The following NKAIN3 variants were observed in gnomAD, a reference collection of about 807,000 sequenced individuals.
The protein encoded by NKAIN3 is sodium/potassium transporting ATPase interacting 3, also known as sodium/potassium-transporting ATPase subunit beta-1-interacting protein 3.
Under a neutral mutation model 30.2 loss-of-function variants are expected in NKAIN3, and 25 were observed. That is an observed-to-expected ratio of 0.83 (90% confidence interval 0.60 to 1.16). The LOEUF is 1.16. Among genes scored for constraint, NKAIN3 ranks in the 50% most tolerant of loss-of-function variants. The pLI, the probability that NKAIN3 is intolerant of heterozygous loss-of-function variation, is 0.00. For missense variants in NKAIN3, 225 were observed against 254.1 expected (o/e 0.89, Z 0.78); for synonymous variants, 91 against 89.6 (o/e 1.02, Z -0.09).
chr8:62,857,436 A>C (rs1820096834), intron 4 of NKAIN3, among the ~76,000 whole-genome samples: 1 of 152,148 alleles, frequency 6.6e-6, no homozygotes, highest in South Asian at 2.1e-4. Context: ...ATCCTGAAGT[A>C]TGTTTTCCAA....
At chr8:62,571,660 G>C (rs761629617) in intron 1 of NKAIN3, among the ~76,000 whole-genome samples, 1 of 152,116 alleles carries the variant, frequency 6.6e-6, no homozygotes, top group Non-Finnish European at 1.5e-5. Context: ...GGGCATCCAG[G>C]CATTTCCATA....
At chr8:62,810,676 C>G (rs999152800) in intron 4 of NKAIN3, among the ~76,000 whole-genome samples, 1 of 105,114 alleles carries the variant, frequency 9.5e-6, no homozygotes, top group Non-Finnish European at 1.9e-5. Flanking sequence ...TTCCCTTTTC[C>G]TGACTTCTGT....
chr8:62,504,666 T>G (rs1171458368), intron 1 of NKAIN3, among the ~76,000 whole-genome samples: 1 of 152,146 alleles, frequency 6.6e-6, no homozygotes, highest in Non-Finnish European at 1.5e-5. Context: ...TTATCAGAGT[T>G]TTTCTGTTTT....
At chr8:62,596,190 C>A (rs1165889613) in intron 3 of NKAIN3, among the ~76,000 whole-genome samples, 2 of 151,832 alleles carry the variant, frequency 1.3e-5, no homozygotes, top group Non-Finnish European at 2.9e-5. Flanking sequence ...CGGTGGCTAG[C>A]CATCCTGAGG....
Position 62,977,032 on chromosome 8 carries a change from G to C in NKAIN3, c.*11625G>C, listed in dbSNP as rs1161533916. ...AGCCCCCAATCTCTTGTGGCTTTTA[G>C]GGTTTCTGCAGAGAGATCTGCTGTT... On this transcript the variant is annotated 3_prime_UTR_variant, in exon 7 of 7. Transcript: ENST00000623646. Among the ~76,000 whole-genome samples the C allele has an allele frequency of 6.6e-6, 1 of 152,122 alleles. No homozygotes were observed. Among genetic ancestry groups the C allele is most frequent in the African/African-American group, 2.4e-5 (1 of 41,400 alleles).
chr8:62,990,866 T>C (rs1193373337), intron 5 of NKAIN3: 1 of 152,036 alleles, frequency 6.6e-6, no homozygotes, highest in Non-Finnish European at 1.5e-5. Context: ...CACAAAAAAA[T>C]GAACAGAACC....
chr8:62,660,751 A>G (rs905878627), intron 3 of NKAIN3, among the ~76,000 whole-genome samples: 7 of 142,802 alleles, frequency 4.9e-5, no homozygotes, highest in African/African-American at 1.8e-4. Flanking sequence ...TAACCAGTCC[A>G]CTAAATACTA....
intron 1 of NKAIN3, among the ~76,000 whole-genome samples, chr8:62,423,621 T>C (rs1804715494): frequency 6.6e-6 from 1 of 151,846 alleles, no homozygotes; most frequent in Admixed American, 6.6e-5. Flanking sequence ...CTTCGCAAGC[T>C]TTTAACCAGG....
At chr8:62,548,065 C>T (rs912218301) in intron 1 of NKAIN3, among the ~76,000 whole-genome samples, 3 of 152,118 alleles carry the variant, frequency 2.0e-5, no homozygotes, top group South Asian at 2.1e-4. Flanking sequence ...CCTCTGTTGG[C>T]TCCTAATCTC....
chr8:62,295,627 C>T (rs4282564), intron 1 of NKAIN3, among the ~76,000 whole-genome samples: 9,468 of 152,088 alleles, frequency 0.062, 980 homozygotes, highest in African/African-American at 0.21. Context: ...GGGGAATTCT[C>T]CAATTCTTGC....
chr8:62,439,264 C>T (rs1038817948), intron 1 of NKAIN3, among the ~76,000 whole-genome samples: 8 of 152,154 alleles, frequency 5.3e-5, no homozygotes, highest in East Asian at 1.9e-4. Context: ...AATCTGTCCA[C>T]AACTACAGGG....
intron 1 of NKAIN3, among the ~76,000 whole-genome samples, chr8:62,474,866 A>G (rs1806464269): frequency 6.6e-6 from 1 of 152,186 alleles, no homozygotes; most frequent in Non-Finnish European, 1.5e-5. Context: ...GGGTAAATAT[A>G]AAAGGTTATT....
In NKAIN3 at chr8:62,970,563, A is replaced by G. The variant is rs1321272399; in HGVS notation, c.*5156A>G. Among the ~76,000 whole-genome samples, 1 of 152,180 alleles carries G rather than the reference A, an allele frequency of 6.6e-6. No homozygotes were observed. Among genetic ancestry groups the G allele is most frequent in the Non-Finnish European group, 1.5e-5 (1 of 68,024 alleles). On this transcript the variant is annotated 3_prime_UTR_variant, in exon 7 of 7. Transcript: ENST00000623646. Reference sequence around the variant, plus strand: ...ATTTAAAGAATCCAAAATATGCTTTAGCTTAAACTTGAGAGCTAAGTTAAG... The same window carrying G: ...ATTTAAAGAATCCAAAATATGCTTTGGCTTAAACTTGAGAGCTAAGTTAAG...
chr8:62,712,567 G>A (rs935580874), intron 3 of NKAIN3, among the ~76,000 whole-genome samples: 1 of 152,134 alleles, frequency 6.6e-6, no homozygotes, highest in Non-Finnish European at 1.5e-5. Flanking sequence ...AAACCAAAGA[G>A]CTGGTCTCAC....
chr8:62,645,041 T>A (rs1812414767), intron 3 of NKAIN3, among the ~76,000 whole-genome samples: 1 of 152,174 alleles, frequency 6.6e-6, no homozygotes, highest in African/African-American at 2.4e-5. Context: ...TAACTTTGCT[T>A]GATTAGGTTA....
chr8:62,806,185 A>G (rs1356467867), intron 4 of NKAIN3, among the ~76,000 whole-genome samples: 1 of 152,230 alleles, frequency 6.6e-6, no homozygotes, highest in Non-Finnish European at 1.5e-5. Flanking sequence ...GAGAAATAGG[A>G]ACACTTTTAC....
At position 62,971,871 on chromosome 8, in the gene NKAIN3, T is replaced by G. The variant is rs1311119637; in HGVS notation, c.*6464T>G. ...ATTTCTGCCTCATCTTGTTTCCTTATCTTGTCTTTGTGGTTAGAAAGAAAT... is the reference window on the plus strand; with the variant it reads ...ATTTCTGCCTCATCTTGTTTCCTTAGCTTGTCTTTGTGGTTAGAAAGAAAT... On this transcript the variant is annotated 3_prime_UTR_variant, in exon 7 of 7. Transcript: ENST00000623646. Among the ~76,000 whole-genome samples the G allele has an allele frequency of 6.6e-6, 1 of 152,198 alleles. No homozygotes were observed. Among genetic ancestry groups the G allele is most frequent in the Non-Finnish European group, 1.5e-5 (1 of 68,042 alleles).
At chr8:62,394,320 T>C (rs757205441) in intron 1 of NKAIN3, among the ~76,000 whole-genome samples, 2 of 152,162 alleles carry the variant, frequency 1.3e-5, no homozygotes, top group African/African-American at 2.4e-5. Flanking sequence ...AATCTTACAG[T>C]TTTTCTCTTT....
intron 3 of NKAIN3, among the ~76,000 whole-genome samples, chr8:62,741,358 AGAAAGAAGGAAGGAAG>A (rs1366022985): frequency 4.1e-5 from 5 of 120,938 alleles, no homozygotes; most frequent in South Asian, 2.7e-4. Context: ...AGAAAGAGAG[AGAAAGAAGGAAGGAAG>A]GAAGGAAGGA....
Sources: gnomAD v4.1 joint callset for allele counts (sites outside exome capture counted in the v4.1 genomes callset) on GRCh38, gnomAD v4.1.1 for gene constraint, MANE v1.5 for transcripts, NCBI Gene and HGNC (gene_info 2026-07-23, HGNC 2026-07-21) for gene names.